Variants in ABHD17C observed in about 807,000 individuals in gnomAD.
ABHD17C encodes abhydrolase domain containing 17C, depalmitoylase.
ABHD17C carries 11 observed loss-of-function variants against 27.9 expected under a neutral mutation model. The ratio of observed to expected loss-of-function variants is 0.39; its 90% CI spans 0.25 to 0.65. The LOEUF (loss-of-function observed/expected upper bound fraction) is 0.65, where lower values mean the gene tolerates loss of function less well. Among genes scored for constraint, ABHD17C ranks in the 30% least tolerant of loss-of-function variants. The pLI is 0.45. For missense variants in ABHD17C, 280 were observed against 470.2 expected, an observed-to-expected ratio of 0.60 and a Z score of 3.74; for synonymous variants, 233 against 209.1, an observed-to-expected ratio of 1.11 and a Z score of -0.98.
chr15:80,705,710 G>A (rs909744155), intron 1 of ABHD17C, among the ~76,000 whole-genome samples: 5 of 152,212 alleles, frequency 3.3e-5, no homozygotes, highest in Non-Finnish European at 7.3e-5. Context: ...TAGCTTGGTG[G>A]ATGTGGAAGT....
intron 1 of ABHD17C, among the ~76,000 whole-genome samples, chr15:80,705,270 G>T (rs1004780320): frequency 3.3e-5 from 5 of 151,036 alleles, no homozygotes; most frequent in Admixed American, 1.3e-4. Flanking sequence ...AGTCACATGG[G>T]CAAGGTTGTC....
At chr15:80,703,244 A>C (rs1053570132) in intron 1 of ABHD17C, 1 of 152,258 alleles carries the variant, frequency 6.6e-6, no homozygotes. Flanking sequence ...GAGATAAGGC[A>C]TAAGAATGGA....
chr15:80,731,291 C>T (rs567985295), intron 1 of ABHD17C, among the ~76,000 whole-genome samples: 64 of 152,326 alleles, frequency 4.2e-4, no homozygotes, highest in South Asian at 3.5e-3. Flanking sequence ...ATACTTCTGT[C>T]TGTGTTTCCG....
At chr15:80,731,986 A>G (rs1287270120) in intron 1 of ABHD17C, among the ~76,000 whole-genome samples, 1 of 152,198 alleles carries the variant, frequency 6.6e-6, no homozygotes, top group Non-Finnish European at 1.5e-5. Context: ...TCATCTTCTC[A>G]AACTGAGATT....
intron 1 of ABHD17C, among the ~76,000 whole-genome samples, chr15:80,713,590 A>G (rs1171257223): frequency 6.6e-6 from 1 of 151,782 alleles, no homozygotes; most frequent in African/African-American, 2.4e-5. Context: ...TGGGTGGATC[A>G]CAAGGTCAGC....
chr15:80,706,914 T>C (rs1894655987), intron 1 of ABHD17C, among the ~76,000 whole-genome samples: 1 of 152,254 alleles, frequency 6.6e-6, no homozygotes, highest in East Asian at 1.9e-4. Context: ...AACTTTATAC[T>C]ATTTTAATTT....
At chr15:80,713,652 A>G (rs1254000763) in intron 1 of ABHD17C, among the ~76,000 whole-genome samples, 1 of 151,940 alleles carries the variant, frequency 6.6e-6, no homozygotes, top group African/African-American at 2.4e-5. Context: ...TACTAAAAAT[A>G]CAAAAAATTA....
intron 1 of ABHD17C, chr15:80,703,563 G>A (rs1269522418): frequency 2.0e-5 from 3 of 152,130 alleles, no homozygotes; most frequent in Non-Finnish European, 4.4e-5. Context: ...GATTCATTCT[G>A]GTACAGTGGA....
chr15:80,744,420 G>A (rs1458228259), intron 1 of ABHD17C, among the ~76,000 whole-genome samples: 1 of 152,122 alleles, frequency 6.6e-6, no homozygotes, highest in Non-Finnish European at 1.5e-5. Flanking sequence ...AAAACCGGGT[G>A]TTAGAACAGA....
chr15:80,728,233 G>A (rs1596067921), intron 1 of ABHD17C, among the ~76,000 whole-genome samples: 3 of 152,310 alleles, frequency 2.0e-5, no homozygotes, highest in Admixed American at 2.0e-4. Flanking sequence ...GCAAGCACCT[G>A]CTGTTAAGGA....
At position 80,731,857 on chromosome 15, in the gene ABHD17C, T is replaced by A. The variant is rs189118438; in HGVS notation, c.591-17656T>A. On this transcript the variant is annotated intron_variant, in intron 1 of 2. Transcript: ENST00000258884. ...TTAGGAGGAATGCTGACTCTTTTTT[T>A]AAAAATTGTGGTAAAAGAGACATAA... Among the ~76,000 whole-genome samples the A allele has an allele frequency of 5.5e-4, 84 of 152,314 alleles. 1 individual carries two copies. Among genetic ancestry groups the A allele is most frequent in the African/African-American group, 6.3e-4 (26 of 41,576 alleles).
At chr15:80,750,373 T>C (rs1895350127) in intron 2 of ABHD17C, among the ~76,000 whole-genome samples, 1 of 152,172 alleles carries the variant, frequency 6.6e-6, no homozygotes, top group Non-Finnish European at 1.5e-5. Context: ...GTATTTTTAA[T>C]ACAAAATATT....
At chr15:80,706,659 A>G (rs1894653176) in intron 1 of ABHD17C, among the ~76,000 whole-genome samples, 1 of 152,220 alleles carries the variant, frequency 6.6e-6, no homozygotes, top group Non-Finnish European at 1.5e-5. Context: ...TGATAATCAG[A>G]TGAGAATTCT....
At chr15:80,719,955 G>A (rs926319002) in intron 1 of ABHD17C, among the ~76,000 whole-genome samples, 7 of 152,002 alleles carry the variant, frequency 4.6e-5, no homozygotes, top group Admixed American at 3.9e-4. Flanking sequence ...ACACCACCAC[G>A]CCCAACCAAT....
chr15:80,730,366 G>C (rs1192212383), intron 1 of ABHD17C, among the ~76,000 whole-genome samples: 2 of 152,170 alleles, frequency 1.3e-5, no homozygotes, highest in South Asian at 2.1e-4. Flanking sequence ...CTGAGTTCCT[G>C]CTGGGTGGAT....
chr15:80,720,131 G>A (rs1480372769), intron 1 of ABHD17C, among the ~76,000 whole-genome samples: 1 of 152,132 alleles, frequency 6.6e-6, no homozygotes, highest in East Asian at 1.9e-4. Flanking sequence ...GAAAAGGATC[G>A]TGGGGTTTCA....
intron 1 of ABHD17C, among the ~76,000 whole-genome samples, chr15:80,699,103 C>G (rs1425327560): frequency 1.3e-5 from 2 of 152,128 alleles, no homozygotes; most frequent in African/African-American, 4.8e-5. Flanking sequence ...ATTAGGAGAC[C>G]CTTTGTGTTC....
intron 1 of ABHD17C, among the ~76,000 whole-genome samples, chr15:80,731,933 C>T (rs1454050665): frequency 6.6e-6 from 1 of 152,156 alleles, no homozygotes; most frequent in East Asian, 1.9e-4. Context: ...GCATTGAGGA[C>T]ATGTGCCTTG....
At chr15:80,741,474 C>CCT (rs1293866509) in intron 1 of ABHD17C, among the ~76,000 whole-genome samples, 3 of 151,056 alleles carry the variant, frequency 2.0e-5, no homozygotes, top group Non-Finnish European at 4.4e-5. Flanking sequence ...TAAAGGAAGC[C>CCT]CTGTACATGC....
Sources: gnomAD v4.1 joint callset for allele counts (sites outside exome capture counted in the v4.1 genomes callset) on GRCh38, gnomAD v4.1.1 for gene constraint, MANE v1.5 for transcripts, NCBI Gene and HGNC (gene_info 2026-07-23, HGNC 2026-07-21) for gene names.